Variants in SART1 observed in about 807,000 individuals in gnomAD.
SART1 encodes spliceosome associated factor 1, recruiter of U4/U6.U5 tri-snRNP.
Under a neutral mutation model 105.0 loss-of-function variants are expected in SART1, and 28 were observed. The ratio of observed to expected loss-of-function variants is 0.27; its 90% CI spans 0.20 to 0.37. The LOEUF (loss-of-function observed/expected upper bound fraction) is 0.37, where lower values mean the gene tolerates loss of function less well. Ranked by LOEUF, SART1 falls within the 10% of genes least tolerant of loss-of-function variation. The pLI, the probability that SART1 is intolerant of heterozygous loss-of-function variation, is 1.00. For synonymous variants in SART1, 472 were observed against 462.9 expected, an observed-to-expected ratio of 1.02 and a Z score of -0.25; for missense variants, 894 against 1,106.5, an observed-to-expected ratio of 0.81 and a Z score of 2.72.
At position 65,979,146 on chromosome 11, in the gene SART1, GCA is replaced by G; in HGVS notation, c.*119_*120del. ...AGGGTTGGATCTTTGGTTGGGTGTG[GCA>G]CAGAGTCTGGCTCCTGCTAGGTGAG... On this transcript the variant is annotated 3_prime_UTR_variant, in exon 20 of 20. Coordinates refer to ENST00000312397, the MANE Select transcript of SART1 (RefSeq NM_005146.5). 7.3e-7 allele frequency: 1 copy of G among 1,370,476 alleles called. No individual in the cohort carries two copies. The highest frequency in any genetic ancestry group is 1.0e-6 in the Non-Finnish European group (1 of 981,076). 84.9% of individuals were successfully genotyped at this position (1,370,476 alleles called of 1,614,324 possible). A position where few individuals can be genotyped will look rare whatever the true frequency, so the allele number is the denominator to read the frequency against.
rs1855516753 is a variant in SART1, at chr11:65,977,895, A to G, written c.2168A>G (p.Lys723Arg). 2 of 1,609,844 alleles carry G rather than the reference A, an allele frequency of 1.2e-6. No individual in the cohort carries two copies. Among genetic ancestry groups the G allele is most frequent in the East Asian group, 2.2e-5 (1 of 44,590 alleles). The change falls in exon 17 of 20, where the codon AAG (lysine) becomes AGG (arginine). Residue 723 changes from lysine (K) to arginine (R), a missense_variant. Lys to Arg is a conservative substitution (Grantham distance 26). This residue lies in a region of SART1 where 182 missense variants were observed against 328.3 expected (regional missense o/e 0.55). Transcript: ENST00000312397. ...GAGACGGGCCGGAAACTCACACCCA[A>G]GGAGGTGAGCAGGGCCTTTTGCAGG... is the stretch of plus-strand genomic sequence containing the variant. ...VDETGRKLTP[K>R]EAFRQLSHRF... is the part of the protein sequence containing the mutation.
chr11:65,964,657 G>A, intron 3 of SART1, 87 bp downstream of exon 3: 2 of 1,338,692 alleles, frequency 1.5e-6, no homozygotes, highest in Non-Finnish European at 2.1e-6. Context: ...GGCAGGTTCA[G>A]CACTGTTTAG....
At chr11:65,973,208 T>G (rs1434897470) in intron 12 of SART1, among the ~76,000 whole-genome samples, 1 of 152,080 alleles carries the variant, frequency 6.6e-6, no homozygotes, top group Non-Finnish European at 1.5e-5. Context: ...AGTTTTTTGT[T>G]TTTTGTTTTT....
In SART1 at chr11:65,977,548, C is replaced by G. The variant is rs748034473; in HGVS notation, c.1946-15C>G. 1.9e-6 allele frequency: 3 copies of G among 1,612,016 alleles called. No individual in the cohort carries two copies. The South Asian group carries it at 3.3e-5, about 18-fold the overall frequency. On this transcript the variant is annotated splice_polypyrimidine_tract_variant and intron_variant, in intron 15 of 19. Coordinates refer to ENST00000312397, the MANE Select transcript of SART1 (RefSeq NM_005146.5). ...TCTCGAGGGGTTGGGAGTCTCACAA[C>G]CCCTCCATCCCTAGGGCTGCTGGAG... is the stretch of plus-strand genomic sequence containing the variant.
intron 5 of SART1, 105 bp from the exon 6 acceptor site, chr11:65,965,597 T>C (rs1158311204): frequency 7.4e-7 from 1 of 1,351,096 alleles, no homozygotes; most frequent in African/African-American, 1.4e-5. Context: ...TCAGCAGCTT[T>C]CCTGCAAGGC....
chr11:65,965,574 C>A, intron 5 of SART1, 127 bp downstream of exon 5: 1 of 1,314,984 alleles, frequency 7.6e-7, no homozygotes, highest in Non-Finnish European at 1.1e-6. Flanking sequence ...TCGGTAGCAT[C>A]TACTTTGGAT....
intron 12 of SART1, among the ~76,000 whole-genome samples, chr11:65,970,608 G>A (rs550517646): frequency 1.6e-5 from 2 of 128,174 alleles, no homozygotes; most frequent in Non-Finnish European, 3.5e-5. Context: ...GGCAGCCCAT[G>A]GCCGATTGTT....
At chr11:65,968,771 G>T (rs756894924) in intron 12 of SART1, among the ~76,000 whole-genome samples, 1 of 152,120 alleles carries the variant, frequency 6.6e-6, no homozygotes, top group Non-Finnish European at 1.5e-5. Context: ...AGAGTGAGGG[G>T]TGGCGTGAGC....
chr11:65,966,866 C>T (rs1488423937), intron 9 of SART1, among the ~76,000 whole-genome samples: 1 of 152,076 alleles, frequency 6.6e-6, no homozygotes, highest in Non-Finnish European at 1.5e-5. Context: ...CCTGAGGTTG[C>T]TGTGAGGATG....
Position 65,965,950 on chromosome 11 carries a change from G to A in SART1, c.802G>A (p.Glu268Lys), listed in dbSNP as rs1413852270. ...TVEHAIDSFR[E>K]GETMILTLKD... ...GGAGCATGCCATTGATTCCTTCCGA[G>A]AAGGGGAGACAATGATTCTTACCCT... The change falls in exon 7 of 20, where the codon GAA (glutamate) becomes AAA (lysine). Residue 268 changes from glutamate to lysine, a missense_variant. Glu to Lys is a moderately conservative substitution (Grantham distance 56, BLOSUM62 1). This residue lies in a region of SART1 where 712 missense variants were observed against 778.2 expected (regional missense o/e 0.91). Coordinates refer to ENST00000312397, the MANE Select transcript of SART1 (RefSeq NM_005146.5). 1.2e-6 allele frequency: 2 copies of A among 1,614,112 alleles called. No individual in the cohort carries two copies. Among genetic ancestry groups the A allele is most frequent in the Non-Finnish European group, 1.7e-6 (2 of 1,180,038 alleles).
intron 12 of SART1, among the ~76,000 whole-genome samples, chr11:65,972,337 G>C (rs1422252605): frequency 6.6e-6 from 1 of 152,110 alleles, no homozygotes; most frequent in African/African-American, 2.4e-5. Flanking sequence ...TCAGTGCAGC[G>C]AGTGGGCGTG....
chr11:65,977,330 G>C (rs1411414631), intron 15 of SART1, among the ~76,000 whole-genome samples: 1 of 152,202 alleles, frequency 6.6e-6, no homozygotes, highest in East Asian at 1.9e-4. Flanking sequence ...AACTGTTCCA[G>C]CTGTGGCACA....
intron 12 of SART1, 111 bp downstream of exon 12, chr11:65,967,932 T>G (rs1855295201): frequency 6.9e-6 from 7 of 1,010,284 alleles, no homozygotes; most frequent in Non-Finnish European, 9.5e-6. Context: ...TCCATTTGTT[T>G]TTTGTTTTCT....
rs747555166 is a variant in SART1, at chr11:65,966,168, C to A, written c.931C>A (p.Pro311Thr). ...EKNVELRKKKPDYLPYAEDES... is the reference protein window; with the variant it reads ...EKNVELRKKKTDYLPYAEDES... ...AAATGTGGAGCTGCGGAAGAAGAAGCCTGACTACCTGCCCTATGCCGAGGA... is the reference window on the plus strand; with the variant it reads ...AAATGTGGAGCTGCGGAAGAAGAAGACTGACTACCTGCCCTATGCCGAGGA... Residue 311 changes from proline to threonine, a missense_variant, in exon 8 of 20, where the codon CCT becomes ACT. Pro to Thr is a conservative substitution (Grantham distance 38). Transcript: ENST00000312397. 2 of 1,614,036 alleles carry A rather than the reference C, an allele frequency of 1.2e-6. No homozygotes were observed. The highest frequency in any genetic ancestry group is 1.7e-6 in the Non-Finnish European group (2 of 1,180,024).
At chr11:65,972,873 A>G (rs568631031) in intron 12 of SART1, among the ~76,000 whole-genome samples, 23 of 152,038 alleles carry the variant, frequency 1.5e-4, no homozygotes, top group African/African-American at 5.5e-4. Context: ...GTGTAACTAC[A>G]TAGAAATTGA....
intron 7 of SART1, 22 bp from the exon 8 acceptor site, chr11:65,966,054 C>A: frequency 6.2e-7 from 1 of 1,613,778 alleles, no homozygotes. Flanking sequence ...TGTGAATGGC[C>A]ACTGCTCTGT....
At chr11:65,977,273 C>G (rs1297517857) in intron 15 of SART1, among the ~76,000 whole-genome samples, 172 bp downstream of exon 15, 1 of 152,214 alleles carries the variant, frequency 6.6e-6, no homozygotes, top group Non-Finnish European at 1.5e-5. Context: ...TCCGTCTGCT[C>G]TGCCTTTGAG....
Position 65,976,246 on chromosome 11 carries a change from T to G in SART1, c.1573-149T>G. On this transcript the variant is annotated intron_variant, in intron 12 of 19. Transcript: ENST00000312397. This position sits in a 1 kb window ranked among gnomAD's most constrained non-coding sequence, Gnocchi z 5.1. ...TGACCCCAGTGAAAGAGGTGCAGAG[T>G]GGAGTTAGGCGGCAGATAGCAGCTG... is the stretch of plus-strand genomic sequence containing the variant. The G allele has an allele frequency of 1.4e-6, 1 of 703,292 alleles. No individual in the cohort carries two copies. Among genetic ancestry groups the G allele is most frequent in the African/African-American group, 1.8e-5 (1 of 55,304 alleles). The allele number at this position is 703,292 out of a possible 1,614,324, so 43.6% of individuals were successfully genotyped here. A position where few individuals can be genotyped will look rare whatever the true frequency, so the allele number is the denominator to read the frequency against.
chr11:65,971,745 A>G (rs1428998316), intron 12 of SART1, among the ~76,000 whole-genome samples: 2 of 151,956 alleles, frequency 1.3e-5, no homozygotes, highest in Admixed American at 6.6e-5. Context: ...TTCACAAAGG[A>G]GAGGTTCTGT....
Sources: gnomAD v4.1 joint callset for allele counts (sites outside exome capture counted in the v4.1 genomes callset) on GRCh38, gnomAD v4.1.1 for gene constraint, gnomAD v4.1.1 regional missense constraint, Gnocchi (gnomAD v3.1) non-coding constraint, MANE v1.5 for transcripts, NCBI Gene and HGNC (gene_info 2026-07-23, HGNC 2026-07-21) for gene names.